PCDHGB3: variants seen among roughly 807,000 people sequenced by gnomAD.
PCDHGB3 encodes protocadherin gamma subfamily B, 3, also known as protocadherin gamma-B3.
In PCDHGB3, 40 loss-of-function variants were observed where a neutral mutation model predicts 59.2. That is an observed-to-expected ratio of 0.68 (90% CI 0.52 to 0.88). The LOEUF (loss-of-function observed/expected upper bound fraction) is 0.88. Ranked by LOEUF, PCDHGB3 falls within the 40% of genes least tolerant of loss-of-function variation. The pLI, the probability that PCDHGB3 is intolerant of heterozygous loss-of-function variation, is 0.00. For missense variants in PCDHGB3, 1,309 were observed against 1,187.9 expected (o/e 1.10, Z -1.50); for synonymous variants, 581 against 503.6 (o/e 1.15, Z -2.06).
Position 141,380,667 on chromosome 5 carries a change from T to C in PCDHGB3, c.2415+7858T>C, listed in dbSNP as rs552117625. On this transcript the variant is annotated intron_variant, in intron 1 of 3. Coordinates refer to ENST00000576222, the MANE Select transcript of PCDHGB3 (RefSeq NM_018924.5). Reference sequence around the variant, plus strand: ...AGAGACAATGAAGCCATTTACTCCATAGGGTATGTATGCTTTGTGTTCGGA... The same window carrying C: ...AGAGACAATGAAGCCATTTACTCCACAGGGTATGTATGCTTTGTGTTCGGA... Among the ~76,000 whole-genome samples the C allele has an allele frequency of 2.6e-5, 4 of 152,244 alleles. No homozygotes were observed. The East Asian group carries it at 5.8e-4, about 22-fold the overall frequency.
At chr5:141,472,980 CAAAA>C (rs60579131) in intron 1 of PCDHGB3, among the ~76,000 whole-genome samples, 3 of 86,106 alleles carry the variant, frequency 3.5e-5, no homozygotes, top group Admixed American at 1.2e-4. Context: ...GAGTGAAACT[CAAAA>C]AAAAAAAAAA....
rs1396618267 is a variant in PCDHGB3, at chr5:141,421,234, A to T, written c.2415+48425A>T. On this transcript the variant is annotated intron_variant, in intron 1 of 3. Coordinates refer to ENST00000576222, the MANE Select transcript of PCDHGB3 (RefSeq NM_018924.5). ...TATCGGCTTAGAGCCTGCCATGGCG[A>T]ATCGGCTACAGCGCGGGGACCGCAG... 7 of 1,593,656 alleles carry T rather than the reference A, an allele frequency of 4.4e-6. No homozygotes were observed. In the African/African-American group the frequency reaches 9.4e-5, roughly 21 times the overall value.
intron 1 of PCDHGB3, chr5:141,385,148 T>G (rs1052139407): frequency 6.2e-7 from 1 of 1,614,218 alleles, no homozygotes; most frequent in Admixed American, 1.7e-5. Context: ...CAGGCTTTCC[T>G]GCAGACCTAT....
At chr5:141,492,241 C>T (rs1351937353) in intron 1 of PCDHGB3, among the ~76,000 whole-genome samples, 1 of 152,186 alleles carries the variant, frequency 6.6e-6, no homozygotes, top group African/African-American at 2.4e-5. Flanking sequence ...TGCTGGCCAC[C>T]CCCACGGCCC....
chr5:141,415,740 G>GTTTTTTTTTTTTTTTTTTTTTTTTTT, intron 1 of PCDHGB3: 11 of 617,992 alleles, frequency 1.8e-5, no homozygotes, highest in Middle Eastern at 5.6e-4. Context: ...GTTTATTAAG[G>GTTTTTTTTTTTTTTTTTTTTTTTTTT]TTTTTTTTTT....
In PCDHGB3 at chr5:141,432,690, T is replaced by A. The variant is rs764124373; in HGVS notation, c.2415+59881T>A. 5.0e-6 allele frequency: 8 copies of A among 1,613,854 alleles called. No individual in the cohort carries two copies. The highest frequency in any genetic ancestry group is 2.7e-5 in the African/African-American group (2 of 74,940). ...GACGCGCTCAAGCAGAGCCTCGTAGTGGCCGTCCAGGACCACGGCCAGCCC... is the reference window on the plus strand; with the variant it reads ...GACGCGCTCAAGCAGAGCCTCGTAGAGGCCGTCCAGGACCACGGCCAGCCC... On this transcript the variant is annotated intron_variant, in intron 1 of 3. Coordinates refer to ENST00000576222, the MANE Select transcript of PCDHGB3 (RefSeq NM_018924.5). This position sits in a 1 kb window ranked among gnomAD's most constrained non-coding sequence, Gnocchi z 6.0.
In PCDHGB3 at chr5:141,399,479, C is replaced by T. The variant is rs774561101; in HGVS notation, c.2415+26670C>T. 3 of 1,614,032 alleles carry T rather than the reference C, an allele frequency of 1.9e-6. No individual in the cohort carries two copies. In the Admixed American group the frequency reaches 5.0e-5, roughly 27 times the overall value. On this transcript the variant is annotated intron_variant, in intron 1 of 3. Transcript: ENST00000576222. ...GATAACGCTCCGGTTTTCCACCAGG[C>T]GTCCTACTTAGTCAGTGTACCCGAA...
chr5:141,441,838 C>A, intron 1 of PCDHGB3: 1 of 355,582 alleles, frequency 2.8e-6, no homozygotes, highest in Non-Finnish European at 5.5e-6. Context: ...TGGCTTCGCG[C>A]TCTTGGATAT....
In PCDHGB3 at chr5:141,423,972, T is replaced by C. The variant is rs1459859824; in HGVS notation, c.2415+51163T>C. ...TTTAGTATTATTTTTCTATTATCAG[T>C]GTATGAGGCTCTCAATTTATTATAT... On this transcript the variant is annotated intron_variant, in intron 1 of 3. Transcript: ENST00000576222. 4 of 1,128,544 alleles carry C rather than the reference T, an allele frequency of 3.5e-6. No homozygotes were observed. The East Asian group carries it at 1.9e-4, about 53-fold the overall frequency. The allele number at this position is 1,128,544 out of a possible 1,614,324, so 69.9% of individuals were successfully genotyped here.
At chr5:141,458,132 G>C (rs2098938269) in intron 1 of PCDHGB3, among the ~76,000 whole-genome samples, 1 of 152,218 alleles carries the variant, frequency 6.6e-6, no homozygotes, top group South Asian at 2.1e-4. Flanking sequence ...GAACCAGGCA[G>C]AGAAAAATGA....
At chr5:141,429,169 T>TACATACACACACACACAC (rs369570830) in intron 1 of PCDHGB3, 115 of 145,474 alleles carry the variant, frequency 7.9e-4, no homozygotes, top group African/African-American at 2.1e-3. Flanking sequence ...ACATTGTTTA[T>TACATACACACACACACAC]ACACACACAC....
chr5:141,425,869 C>G (rs1376765137), intron 1 of PCDHGB3, among the ~76,000 whole-genome samples: 1 of 152,198 alleles, frequency 6.6e-6, no homozygotes, highest in Non-Finnish European at 1.5e-5. Flanking sequence ...TATAGATTCC[C>G]ATCTCTAAGG....
chr5:141,412,592 C>T (rs1472116158), intron 1 of PCDHGB3: 1 of 152,048 alleles, frequency 6.6e-6, no homozygotes, highest in African/African-American at 2.4e-5. Context: ...TGAATGTATA[C>T]TAAATAAAAT....
intron 1 of PCDHGB3, chr5:141,421,710 A>G (rs781498853): frequency 1.2e-6 from 2 of 1,613,940 alleles, no homozygotes; most frequent in South Asian, 2.2e-5. Flanking sequence ...CTAGGGATCC[A>G]GATGTGGGCG....
In PCDHGB3 at chr5:141,487,605, A is replaced by G. The variant is rs202066746; in HGVS notation, c.2416-7202A>G. Reference sequence around the variant, plus strand: ...AGCTGCCCACCCTCTGATCTTCTCTATGGGCTAGAGGTGAGACCTTTGCAG... The same window carrying G: ...AGCTGCCCACCCTCTGATCTTCTCTGTGGGCTAGAGGTGAGACCTTTGCAG... On this transcript the variant is annotated intron_variant, in intron 1 of 3. Transcript: ENST00000576222. The surrounding 1 kb of genome is among the most constrained non-coding windows in gnomAD (Gnocchi z 5.0). 8.7e-6 allele frequency: 14 copies of G among 1,614,008 alleles called. No individual in the cohort carries two copies. In the South Asian group the frequency reaches 8.8e-5, roughly 10 times the overall value.
At chr5:141,424,297 A>G (rs2096812591) in intron 1 of PCDHGB3, 1 of 152,466 alleles carries the variant, frequency 6.6e-6, no homozygotes, top group African/African-American at 2.4e-5. Flanking sequence ...TCTTCATCCT[A>G]TCAACACAGA....
At chr5:141,408,990 A>T (rs1554103244) in intron 1 of PCDHGB3, 1 of 1,613,984 alleles carries the variant, frequency 6.2e-7, no homozygotes, top group South Asian at 1.1e-5. Flanking sequence ...CCTGTGTTGC[A>T]AGTGACAGCC....
In PCDHGB3 at chr5:141,398,901, C is replaced by CACCA. The variant is rs763382637; in HGVS notation, c.2415+26093_2415+26096dup. ...GCCTTCGGGAAAACGTGCCACCAGG[C>CACCA]ACCACTGTGTTGCAAGTGTCAGCCA... On this transcript the variant is annotated intron_variant, in intron 1 of 3. Coordinates refer to ENST00000576222, the MANE Select transcript of PCDHGB3 (RefSeq NM_018924.5). 3.7e-6 allele frequency: 6 copies of CACCA among 1,613,954 alleles called. No homozygotes were observed. The South Asian group carries it at 6.6e-5, about 18-fold the overall frequency.
In PCDHGB3 at chr5:141,486,476, C is replaced by G. The variant is rs765887978; in HGVS notation, c.2416-8331C>G. The G allele has an allele frequency of 5.0e-6, 8 of 1,613,934 alleles. No homozygotes were observed. In the South Asian group the frequency reaches 7.7e-5, roughly 16 times the overall value. ...TGCTTCTGATGCTGGGAACCCTCCTCTCAGTACCCACAGAACTATTTTCCT... is the reference window on the plus strand; with the variant it reads ...TGCTTCTGATGCTGGGAACCCTCCTGTCAGTACCCACAGAACTATTTTCCT... On this transcript the variant is annotated intron_variant, in intron 1 of 3. Coordinates refer to ENST00000576222, the MANE Select transcript of PCDHGB3 (RefSeq NM_018924.5). The surrounding 1 kb of genome is among the most constrained non-coding windows in gnomAD (Gnocchi z 5.0).
Sources: allele counts gnomAD v4.1 joint callset (sites outside exome capture counted in the v4.1 genomes callset), GRCh38; gene constraint gnomAD v4.1.1; non-coding constraint Gnocchi (gnomAD v3.1); transcripts MANE v1.5; gene names NCBI Gene and HGNC (gene_info 2026-07-23, HGNC 2026-07-21).